Variants in MBNL1 observed in about 807,000 individuals in gnomAD.
MBNL1 encodes the protein muscleblind like splicing regulator 1.
MBNL1 carries 8 observed loss-of-function variants against 42.2 expected under a neutral mutation model. The observed-to-expected ratio is 0.19, with a 90% CI of 0.11 to 0.34. The LOEUF (loss-of-function observed/expected upper bound fraction) is 0.34. Among genes scored for constraint, MBNL1 ranks in the 10% least tolerant of loss-of-function variants. The pLI is 1.00. For synonymous variants in MBNL1, 169 were observed against 173.9 expected, an observed-to-expected ratio of 0.97 and a Z score of 0.22; for missense variants, 309 against 495.3, an observed-to-expected ratio of 0.62 and a Z score of 3.57.
chr3:152,300,132 T>G lies in MBNL1; in HGVS notation c.-62T>G. The G allele has an allele frequency of 6.0e-6, 7 of 1,164,774 alleles. No individual in the cohort carries two copies. The highest frequency in any genetic ancestry group is 8.4e-6 in the Non-Finnish European group (7 of 833,798). The allele number at this position is 1,164,774 out of a possible 1,614,324, so 72.2% of individuals were successfully genotyped here. A position where few individuals can be genotyped will look rare whatever the true frequency, so the allele number is the denominator to read the frequency against. On this transcript the variant is annotated 5_prime_UTR_variant, in exon 2 of 10. Transcript: ENST00000324210. ...GCTTTTTTTTTTTGGTTGTTGCTCT[T>G]TTTTGGGGGGGTTGGGTTTGTTGGT...
chr3:152,370,683 G>C (rs1056853220), intron 2 of MBNL1, among the ~76,000 whole-genome samples: 11 of 152,196 alleles, frequency 7.2e-5, no homozygotes, highest in African/African-American at 2.7e-4. Context: ...GGGTGCTTCT[G>C]TATAGGGTGC....
intron 2 of MBNL1, among the ~76,000 whole-genome samples, chr3:152,308,726 CT>C (rs1342945789): frequency 6.6e-6 from 1 of 152,084 alleles, no homozygotes. Context: ...AAATTTTCAG[CT>C]GTGTGGTTGT....
At chr3:152,328,318 A>G (rs1430149513) in intron 2 of MBNL1, among the ~76,000 whole-genome samples, 2 of 152,176 alleles carry the variant, frequency 1.3e-5, no homozygotes, top group Admixed American at 1.3e-4. Context: ...TGAATCTGCC[A>G]AAAGATGCAC....
intron 1 of MBNL1, among the ~76,000 whole-genome samples, chr3:152,283,095 G>A (rs2150442517): frequency 6.6e-6 from 1 of 152,302 alleles, no homozygotes; most frequent in Non-Finnish European, 1.5e-5. Flanking sequence ...GGACAGCCAG[G>A]CAGGAAGATA....
At chr3:152,356,994 T>C (rs1353865542) in intron 2 of MBNL1, among the ~76,000 whole-genome samples, 2 of 152,052 alleles carry the variant, frequency 1.3e-5, no homozygotes, top group Non-Finnish European at 2.9e-5. Context: ...AGTCTGGGAA[T>C]GAGTAGACCT....
intron 1 of MBNL1, chr3:152,244,068 G>A (rs551054546): frequency 6.6e-6 from 1 of 152,258 alleles, no homozygotes. Context: ...GCCTCCCAAA[G>A]TGCTGGGATT....
chr3:152,319,614 G>GTTTTTTTTTTTTTTT lies in MBNL1; in HGVS notation c.174+19258_174+19272dup, dbSNP rs202070328. Reference sequence around the variant, plus strand: ...TACGGTGGCATTAAAGTTCTATACTGTTTTTTTTTTTTTTTTTTTTTTTTT... The same window carrying GTTTTTTTTTTTTTTT: ...TACGGTGGCATTAAAGTTCTATACTGTTTTTTTTTTTTTTTTTTTTTTTTTTTTTTTTTTTTTTTT... On this transcript the variant is annotated intron_variant, in intron 2 of 9. Transcript: ENST00000324210. Among the ~76,000 whole-genome samples, 10 of 80,534 alleles carry GTTTTTTTTTTTTTTT rather than the reference G, an allele frequency of 1.2e-4. 1 individual carries two copies. Among genetic ancestry groups the GTTTTTTTTTTTTTTT allele is most frequent in the Non-Finnish European group, 2.1e-4 (9 of 43,312 alleles). The allele number at this position is 80,534 out of a possible 152,430, so 52.8% of individuals were successfully genotyped here.
At chr3:152,457,502 A>G (rs1372429607) in intron 8 of MBNL1, among the ~76,000 whole-genome samples, 1 of 152,250 alleles carries the variant, frequency 6.6e-6, no homozygotes, top group Non-Finnish European at 1.5e-5. Flanking sequence ...AGCTATTAGT[A>G]CAGCCATTAA....
intron 2 of MBNL1, among the ~76,000 whole-genome samples, chr3:152,342,406 A>G (rs1277540972): frequency 3.3e-5 from 5 of 152,192 alleles, no homozygotes; most frequent in African/African-American, 1.2e-4. Flanking sequence ...GAGACAGAGT[A>G]TGCCAAGCAC....
At chr3:152,326,983 A>G (rs2080767996) in intron 2 of MBNL1, among the ~76,000 whole-genome samples, 1 of 151,442 alleles carries the variant, frequency 6.6e-6, no homozygotes, top group Non-Finnish European at 1.5e-5. Context: ...TTTTGTGTGT[A>G]TTTTTAGTAG....
intron 1 of MBNL1, among the ~76,000 whole-genome samples, chr3:152,298,144 T>C (rs2059419212): frequency 6.6e-6 from 1 of 152,202 alleles, no homozygotes; most frequent in Non-Finnish European, 1.5e-5. Context: ...CCAAAAATTA[T>C]AAATATACCA....
At chr3:152,342,463 GTTA>G (rs998121883) in intron 2 of MBNL1, among the ~76,000 whole-genome samples, 11 of 151,726 alleles carry the variant, frequency 7.2e-5, no homozygotes, top group African/African-American at 2.7e-4. Flanking sequence ...AATTATTGAT[GTTA>G]TTATGTAATG....
intron 2 of MBNL1, among the ~76,000 whole-genome samples, chr3:152,397,010 A>G (rs1025203962): frequency 6.6e-6 from 1 of 152,212 alleles, no homozygotes; most frequent in African/African-American, 2.4e-5. Flanking sequence ...AAATACACTC[A>G]TGGTAAGTAG....
chr3:152,342,940 A>C (rs967591880), intron 2 of MBNL1, among the ~76,000 whole-genome samples: 6 of 152,222 alleles, frequency 3.9e-5, no homozygotes, highest in African/African-American at 1.4e-4. Flanking sequence ...TTAAAAATAT[A>C]TTCACAAAAT....
At chr3:152,281,129 ATCC>A (rs1195298927) in intron 1 of MBNL1, among the ~76,000 whole-genome samples, 1 of 152,104 alleles carries the variant, frequency 6.6e-6, no homozygotes, top group Non-Finnish European at 1.5e-5. Flanking sequence ...TACATGTGTG[ATCC>A]CATAGCTCTT....
chr3:152,401,115 G>T (rs1245469177), intron 2 of MBNL1, among the ~76,000 whole-genome samples: 1 of 152,202 alleles, frequency 6.6e-6, no homozygotes, highest in East Asian at 1.9e-4. Context: ...AAGCTTTACA[G>T]TATTGTCAAG....
intron 2 of MBNL1, among the ~76,000 whole-genome samples, chr3:152,386,045 C>T (rs2097403389): frequency 6.6e-6 from 1 of 151,880 alleles, no homozygotes; most frequent in South Asian, 2.1e-4. Flanking sequence ...ATGATCTTCC[C>T]CTTGGGTAGT....
In MBNL1 at chr3:152,407,906, A is replaced by G. The variant is rs552680470; in HGVS notation, c.175-7035A>G. Among the ~76,000 whole-genome samples the G allele has an allele frequency of 5.9e-5, 9 of 152,244 alleles. No homozygotes were observed. The East Asian group carries it at 1.7e-3, about 29-fold the overall frequency. On this transcript the variant is annotated intron_variant, in intron 2 of 9. Transcript: ENST00000324210. The stretch of plus-strand genomic sequence containing the variant: ...AGAAAAACAAACACCACATGTTCCC[A>G]CTTATAAGTGGGAGCTGAACAATGA...
At chr3:152,257,487 AT>A (rs2035613554) in intron 2 of MBNL1, among the ~76,000 whole-genome samples, 1 of 151,934 alleles carries the variant, frequency 6.6e-6, no homozygotes, top group Admixed American at 6.6e-5. Flanking sequence ...TTGGTGACCC[AT>A]CATGTTAGGA....
Sources: allele counts gnomAD v4.1 joint callset (sites outside exome capture counted in the v4.1 genomes callset), GRCh38; gene constraint gnomAD v4.1.1; transcripts MANE v1.5; gene names NCBI Gene and HGNC (gene_info 2026-07-23, HGNC 2026-07-21).